Variants in KLK11 observed in about 807,000 individuals in gnomAD.
KLK11 encodes the protein kallikrein related peptidase 11, also known as kallikrein-11.
In KLK11, 10 loss-of-function variants were observed where a neutral mutation model predicts 23.4. The observed-to-expected ratio is 0.43, with a 90% CI of 0.26 to 0.73. The LOEUF (loss-of-function observed/expected upper bound fraction) is 0.73. Ranked by LOEUF, KLK11 falls within the 30% of genes least tolerant of loss-of-function variation. The pLI is 0.22. For synonymous variants in KLK11, 131 were observed against 131.7 expected (o/e 0.99, Z 0.03); for missense variants, 285 against 327.8 (o/e 0.87, Z 1.01).
chr19:51,025,657 C>A lies in KLK11; in HGVS notation c.-26G>T. 1 of 1,571,162 alleles carries A rather than the reference C, an allele frequency of 6.4e-7. No individual in the cohort carries two copies. Among genetic ancestry groups the A allele is most frequent in the Non-Finnish European group, 8.6e-7 (1 of 1,157,840 alleles). On this transcript the variant is annotated 5_prime_UTR_variant, in exon 2 of 6. Coordinates refer to ENST00000453757, the MANE Select transcript of KLK11 (RefSeq NM_001136032.3). This position sits in a 1 kb window ranked among gnomAD's most constrained non-coding sequence, Gnocchi z 6.2. ...GGCCTGGAGGGGGGAGGAGCGGGCCCCAGGTTCCTCTGGGAACAAGGAGGG... is the reference window on the plus strand; with the variant it reads ...GGCCTGGAGGGGGGAGGAGCGGGCCACAGGTTCCTCTGGGAACAAGGAGGG...
Position 51,023,085 on chromosome 19 carries a change from C to A in KLK11, c.600+7G>T. 1 of 1,601,350 alleles carries A rather than the reference C, an allele frequency of 6.2e-7. No individual in the cohort carries two copies. On this transcript the variant is annotated splice_region_variant and intron_variant, in intron 5 of 5. Coordinates refer to ENST00000453757, the MANE Select transcript of KLK11 (RefSeq NM_001136032.3). ...GGGATGGGGCTGTGGTTGGAGACCA[C>A]ACTGACCTGGCAGGAGTCCTTGCCC...
At chr19:51,026,627 G>T, upstream of KLK11, 5 of 986,930 alleles carry the variant, frequency 5.1e-6, no homozygotes, top group Non-Finnish European at 6.0e-6. Flanking sequence ...GGAGCGCCAG[G>T]TGCCAGGCAC....
Position 51,022,576 on chromosome 19 carries a change from T to G in KLK11, c.722A>C (p.Asp241Ala). Residue 241 changes from aspartate (D) to alanine (A), a missense_variant, in exon 6 of 6, where the codon GAC becomes GCC. Asp to Ala is a moderately radical substitution (Grantham distance 126). Transcript: ENST00000453757. The stretch of plus-strand genomic sequence containing the variant: ...GTTCTTCATCGTCTCCTGGATCCAG[T>G]CCACATATTTGCAGACTTTCGTGTA... ...GVYTKVCKYV[D>A]WIQETMKNN The G allele has an allele frequency of 4.3e-6, 7 of 1,614,036 alleles. No homozygotes were observed. The highest frequency in any genetic ancestry group is 5.9e-6 in the Non-Finnish European group (7 of 1,180,006).
In KLK11 at chr19:51,024,156, A is replaced by T. The variant is rs112443009; in HGVS notation, c.352T>A (p.Ser118Thr). 47 of 1,613,230 alleles carry T rather than the reference A, an allele frequency of 2.9e-5. No individual in the cohort carries two copies. In the African/African-American group the frequency reaches 5.3e-4, roughly 18 times the overall value. ...RNDIMLVKMA[S>T]PVSITWAVRP... is the part of the protein sequence containing the mutation. ...ACAGCCCAGGTGATGGAGACTGGCGATGCCATCTTCACCAGCATGATGTCA... is the reference window on the plus strand; with the variant it reads ...ACAGCCCAGGTGATGGAGACTGGCGTTGCCATCTTCACCAGCATGATGTCA... The change falls in exon 4 of 6, where the codon TCG becomes ACG. Residue 118 changes from serine to threonine, a missense_variant. Ser to Thr is a moderately conservative substitution (Grantham distance 58). Transcript: ENST00000453757. This position sits in a 1 kb window ranked among gnomAD's most constrained non-coding sequence, Gnocchi z 6.2.
At chr19:51,027,119 T>C (rs1388052530), upstream of KLK11, 1 of 272,460 alleles carries the variant, frequency 3.7e-6, no homozygotes, top group Admixed American at 5.3e-5. Context: ...TTCCATCTAA[T>C]CTCCGTCTCT....
intron 4 of KLK11, 61 bp from the exon 5 acceptor site, chr19:51,023,289 G>A: frequency 6.4e-7 from 1 of 1,572,806 alleles, no homozygotes; most frequent in Non-Finnish European, 8.6e-7. Flanking sequence ...CTAATGCAGT[G>A]CTTGCTGTGA....
intron 1 of KLK11, among the ~76,000 whole-genome samples, chr19:51,026,053 G>A (rs2091482118): frequency 6.6e-6 from 1 of 152,148 alleles, no homozygotes; most frequent in South Asian, 2.1e-4. Context: ...GCAGCTTGGG[G>A]TGGAAGGACA....
Position 51,022,595 on chromosome 19 carries a change from T to G in KLK11, c.703A>C (p.Lys235Gln). The G allele has an allele frequency of 7.4e-6, 12 of 1,614,122 alleles. No homozygotes were observed. Among genetic ancestry groups the G allele is most frequent in the Non-Finnish European group, 1.0e-5 (12 of 1,180,042 alleles). Residue 235 changes from lysine to glutamine, a missense_variant, in exon 6 of 6, where the codon AAA (lysine) becomes CAA (glutamine). Coordinates refer to ENST00000453757, the MANE Select transcript of KLK11 (RefSeq NM_001136032.3). ...AITRKPGVYTKVCKYVDWIQE... is the reference protein window; with the variant it reads ...AITRKPGVYTQVCKYVDWIQE... ...ATCCAGTCCACATATTTGCAGACTTTCGTGTAGACACCAGGCTTTCGGGTG... is the reference window on the plus strand; with the variant it reads ...ATCCAGTCCACATATTTGCAGACTTGCGTGTAGACACCAGGCTTTCGGGTG...
Position 51,025,076 on chromosome 19 carries a change from T to C in KLK11, c.41-282A>G, listed in dbSNP as rs1568572829. Among the ~76,000 whole-genome samples the C allele has an allele frequency of 6.6e-6, 1 of 151,978 alleles. No homozygotes were observed. The highest frequency in any genetic ancestry group is 1.9e-4 in the East Asian group (1 of 5,164). On this transcript the variant is annotated intron_variant, in intron 2 of 5. Coordinates refer to ENST00000453757, the MANE Select transcript of KLK11 (RefSeq NM_001136032.3). This position sits in a 1 kb window ranked among gnomAD's most constrained non-coding sequence, Gnocchi z 6.2. ...AGTTCTAGATCAGCCTAGGCAAACA[T>C]AGTGAGACCTCCTCCCCCATCTCTA...
chr19:51,026,379 C>A (rs2122568544), intron 1 of KLK11, among the ~76,000 whole-genome samples, 159 bp downstream of exon 1: 1 of 151,954 alleles, frequency 6.6e-6, no homozygotes, highest in African/African-American at 2.4e-5. Context: ...CTGCGGACAG[C>A]CATCGGAGGT....
Position 51,024,407 on chromosome 19 carries a change from T to G in KLK11, c.198-97A>C, listed in dbSNP as rs1250057694. On this transcript the variant is annotated intron_variant, in intron 3 of 5. Coordinates refer to ENST00000453757, the MANE Select transcript of KLK11 (RefSeq NM_001136032.3). The surrounding 1 kb of genome is among the most constrained non-coding windows in gnomAD (Gnocchi z 6.2). ...CTTTGAGGATGAAGAAACATCGCTC[T>G]GCTTCCAACCTCTTCCACGTCTCCC... The G allele has an allele frequency of 3.2e-6, 5 of 1,541,978 alleles. No individual in the cohort carries two copies. The Admixed American group carries it at 8.8e-5, about 27-fold the overall frequency.
chr19:51,025,178 A>G lies in KLK11; in HGVS notation c.41-384T>C, dbSNP rs1600154641. 1.3e-5 allele frequency among the ~76,000 whole-genome samples: 2 copies of G among 152,118 alleles called. No individual in the cohort carries two copies. Among genetic ancestry groups the G allele is most frequent in the East Asian group, 3.9e-4 (2 of 5,170 alleles). ...CTACCGGGGAAGCTGAGATGGCTTA[A>G]GGATCACTTAAGCCCGGGAAGTCAA... On this transcript the variant is annotated intron_variant, in intron 2 of 5. Coordinates refer to ENST00000453757, the MANE Select transcript of KLK11 (RefSeq NM_001136032.3). The surrounding 1 kb of genome is among the most constrained non-coding windows in gnomAD (Gnocchi z 6.2).
At position 51,024,812 on chromosome 19, in the gene KLK11, A is replaced by C; in HGVS notation, c.41-18T>G. ...TACAAGCCCTGGAGGGGGTGAGAGC[A>C]AAAGAAGGGGCTCAGGAAGGAGAGG... On this transcript the variant is annotated intron_variant, in intron 2 of 5. Coordinates refer to ENST00000453757, the MANE Select transcript of KLK11 (RefSeq NM_001136032.3). This position sits in a 1 kb window ranked among gnomAD's most constrained non-coding sequence, Gnocchi z 6.2. The C allele has an allele frequency of 6.5e-7, 1 of 1,543,628 alleles. No homozygotes were observed. The highest frequency in any genetic ancestry group is 8.7e-7 in the Non-Finnish European group (1 of 1,153,124).
chr19:51,025,509 C>T lies in KLK11; in HGVS notation c.40+83G>A. 1 of 920,280 alleles carries T rather than the reference C, an allele frequency of 1.1e-6. No individual in the cohort carries two copies. Among genetic ancestry groups the T allele is most frequent in the Non-Finnish European group, 1.6e-6 (1 of 627,650 alleles). 57.0% of individuals were successfully genotyped at this position (920,280 alleles called of 1,614,324 possible). A position where few individuals can be genotyped will look rare whatever the true frequency, so the allele number is the denominator to read the frequency against. The stretch of plus-strand genomic sequence containing the variant: ...GTTGTTCTGTAATTTGGAATCAGCC[C>T]TGTCACTGTCCAGACACAGAGGGTT... On this transcript the variant is annotated intron_variant, in intron 2 of 5. Coordinates refer to ENST00000453757, the MANE Select transcript of KLK11 (RefSeq NM_001136032.3). The surrounding 1 kb of genome is among the most constrained non-coding windows in gnomAD (Gnocchi z 6.2).
rs1236762546 is a variant in KLK11, at chr19:51,025,441, TC to T, written c.40+150del. ...TTTAAAGGGATTATCTAGAAGGGCA[TC>T]CAGGCCCTCATGACCACTGCTCCAG... On this transcript the variant is annotated intron_variant, in intron 2 of 5. Coordinates refer to ENST00000453757, the MANE Select transcript of KLK11 (RefSeq NM_001136032.3). The surrounding 1 kb of genome is among the most constrained non-coding windows in gnomAD (Gnocchi z 6.2). 1 of 498,144 alleles carries T rather than the reference TC, an allele frequency of 2.0e-6. No homozygotes were observed. The highest frequency in any genetic ancestry group is 3.6e-6 in the Non-Finnish European group (1 of 278,844). 30.9% of individuals were successfully genotyped at this position (498,144 alleles called of 1,614,324 possible).
At chr19:51,027,577 C>T, upstream of KLK11, 1 of 1,601,152 alleles carries the variant, frequency 6.2e-7, no homozygotes, top group Non-Finnish European at 8.5e-7. Flanking sequence ...AGTTAGGTCC[C>T]TTCCCTTGGC....
At chr19:51,026,686 C>G, upstream of KLK11, 1 of 807,772 alleles carries the variant, frequency 1.2e-6, no homozygotes, top group Non-Finnish European at 1.5e-6. Context: ...CCCAGGATGA[C>G]TGGCCTCCAA....
upstream of KLK11, chr19:51,027,225 A>AG (rs560695655): frequency 3.4e-4 from 181 of 531,058 alleles, 2 homozygotes; most frequent in South Asian, 3.6e-3. Context: ...TTGCAAGGAG[A>AG]GGGGGGGTGT....
At chr19:51,027,660 C>T (rs537938854), upstream of KLK11, 15 of 897,144 alleles carry the variant, frequency 1.7e-5, no homozygotes, top group Non-Finnish European at 1.7e-5. Flanking sequence ...AGCAGCCAGC[C>T]CTGGCCTCAA....
Sources: allele counts gnomAD v4.1 joint callset (sites outside exome capture counted in the v4.1 genomes callset), GRCh38; gene constraint gnomAD v4.1.1; non-coding constraint Gnocchi (gnomAD v3.1); transcripts MANE v1.5; gene names NCBI Gene and HGNC (gene_info 2026-07-23, HGNC 2026-07-21).